USP43: variants seen among roughly 807,000 people sequenced by gnomAD.
USP43 encodes the protein ubiquitin specific peptidase 43, also known as ubiquitin carboxyl-terminal hydrolase 43.
In USP43, 33 loss-of-function variants were observed where a neutral mutation model predicts 90.7. The observed-to-expected ratio is 0.36, with a 90% CI of 0.28 to 0.49. The LOEUF is 0.49. Among genes scored for constraint, USP43 ranks in the 20% least tolerant of loss-of-function variants. USP43 has a pLI of 0.98. For synonymous variants in USP43, 598 were observed against 615.8 expected (o/e 0.97, Z 0.43); for missense variants, 1,274 against 1,476.4 (o/e 0.86, Z 2.25).
At position 9,728,529 on chromosome 17, in the gene USP43, T is replaced by C; in HGVS notation, c.2911T>C (p.Tyr971His). 6.2e-7 allele frequency: 1 copy of C among 1,613,816 alleles called. No homozygotes were observed. Among genetic ancestry groups the C allele is most frequent in the Non-Finnish European group, 8.5e-7 (1 of 1,179,876 alleles). ...MGSKSSPPSPYMGFSGNSKDS... is the reference protein window; with the variant it reads ...MGSKSSPPSPHMGFSGNSKDS... ...AAGCAAAAGCAGCCCACCCTCCCCC[T>C]ATATGGGATTCTCTGGAAACAGCAA... The change falls in exon 15 of 15, where the codon TAT (tyrosine) becomes CAT (histidine). Residue 971 changes from tyrosine to histidine, a missense_variant. Tyr to His is a moderately conservative substitution (Grantham distance 83). Around this residue, in one of 6 missense-constraint regions of USP43, gnomAD observed 353 missense variants for 329.7 expected, o/e 1.07. Transcript: ENST00000285199. The surrounding 1 kb of genome is among the most constrained non-coding windows in gnomAD (Gnocchi z 6.2).
At position 9,657,089 on chromosome 17, in the gene USP43, T is replaced by C. The variant is rs141031579; in HGVS notation, c.636+555T>C. 7.4e-3 allele frequency among the ~76,000 whole-genome samples: 1,122 copies of C among 152,352 alleles called. 11 individuals are homozygous for C. Among genetic ancestry groups the C allele is most frequent in the African/African-American group, 0.025 (1,047 of 41,588 alleles). ...CTAATTGATACATCAGGCGCAGTCT[T>C]TATGGACTTTGCTCAATGATGGCTT... On this transcript the variant is annotated intron_variant, in intron 2 of 14. Transcript: ENST00000285199.
chr17:9,686,868 A>T lies in USP43; in HGVS notation c.1312A>T (p.Ser438Cys). The T allele has an allele frequency of 6.2e-7, 1 of 1,613,854 alleles. No homozygotes were observed. The highest frequency in any genetic ancestry group is 1.1e-5 in the South Asian group (1 of 91,078). ...GGCCCAGCTCCAGCAGTCTATCCTC[A>T]GCAAGGTCCGCCATCTTATGAAGAG... ...SWAQLQQSIL[S>C]KVRHLMKSEA... The change falls in exon 8 of 15, where the codon AGC becomes TGC. Residue 438 changes from serine (S) to cysteine (C), a missense_variant. Ser to Cys is a moderately radical substitution (Grantham distance 112, BLOSUM62 -1). Coordinates refer to ENST00000285199, the MANE Select transcript of USP43 (RefSeq NM_153210.5). The surrounding 1 kb of genome is among the most constrained non-coding windows in gnomAD (Gnocchi z 5.5).
intron 14 of USP43, among the ~76,000 whole-genome samples, chr17:9,717,854 T>C (rs1224964509): frequency 6.6e-6 from 1 of 151,338 alleles, no homozygotes; most frequent in Non-Finnish European, 1.5e-5. Context: ...TGAAGTGCAA[T>C]GGGGCGATCT....
rs1171423688 is a variant in USP43, at chr17:9,701,285, C to T, written c.1662+40C>T. On this transcript the variant is annotated intron_variant, in intron 11 of 14. Transcript: ENST00000285199. This position sits in a 1 kb window ranked among gnomAD's most constrained non-coding sequence, Gnocchi z 7.2. ...GTCCATGCCCCGGCCGGGAAGGGGGCTGGCTGCCTTTGGTGGGTTGGCCAC... is the reference window on the plus strand; with the variant it reads ...GTCCATGCCCCGGCCGGGAAGGGGGTTGGCTGCCTTTGGTGGGTTGGCCAC... 1 of 1,595,424 alleles carries T rather than the reference C, an allele frequency of 6.3e-7. No individual in the cohort carries two copies. The highest frequency in any genetic ancestry group is 8.5e-7 in the Non-Finnish European group (1 of 1,170,266).
rs1917480689 is a variant in USP43 at position 9,729,538 on chromosome 17, G to C, written c.*548G>C. On this transcript the variant is annotated 3_prime_UTR_variant, in exon 15 of 15. Transcript: ENST00000285199. Reference sequence around the variant, plus strand: ...AGAGAGATGGGAGATAAATGGCTGAGAGTTCAGGTGAATATTTAATATATT... The same window carrying C: ...AGAGAGATGGGAGATAAATGGCTGACAGTTCAGGTGAATATTTAATATATT... The C allele has an allele frequency of 6.6e-6, 1 of 151,514 alleles. No individual in the cohort carries two copies. Among genetic ancestry groups the C allele is most frequent in the Non-Finnish European group, 1.5e-5 (1 of 67,952 alleles). The allele number at this position is 151,514 out of a possible 1,614,324, so 9.4% of individuals were successfully genotyped here. A position where few individuals can be genotyped will look rare whatever the true frequency, so the allele number is the denominator to read the frequency against.
At chr17:9,724,031 G>A (rs74402485) in intron 14 of USP43, among the ~76,000 whole-genome samples, 5,866 of 152,206 alleles carry the variant, frequency 0.039, 219 homozygotes, top group East Asian at 0.21. Context: ...TTCATCAGCA[G>A]CCTGCTCTGA....
At chr17:9,712,273 G>A in intron 14 of USP43, 141 bp downstream of exon 14, 1 of 1,072,288 alleles carries the variant, frequency 9.3e-7, no homozygotes, top group Non-Finnish European at 1.2e-6. Context: ...TCTTAAATGG[G>A]GTCTTCTATG....
At chr17:9,665,212 G>C (rs1162773379) in intron 2 of USP43, among the ~76,000 whole-genome samples, 1 of 152,172 alleles carries the variant, frequency 6.6e-6, no homozygotes, top group African/African-American at 2.4e-5. Context: ...CCTGAGGTGA[G>C]ATAGGCTAAA....
chr17:9,678,024 T>C (rs1913901739), intron 5 of USP43, among the ~76,000 whole-genome samples: 1 of 152,082 alleles, frequency 6.6e-6, no homozygotes, highest in Non-Finnish European at 1.5e-5. Flanking sequence ...AACTTTAAAG[T>C]GCACTATGGG....
At chr17:9,672,148 C>T (rs1913478074) in intron 3 of USP43, among the ~76,000 whole-genome samples, 1 of 152,100 alleles carries the variant, frequency 6.6e-6, no homozygotes, top group Non-Finnish European at 1.5e-5. Flanking sequence ...AGTCACCTGC[C>T]ACCACGCCCG....
At chr17:9,647,097 A>C (rs900197462) in intron 1 of USP43, 1 of 151,108 alleles carries the variant, frequency 6.6e-6, no homozygotes, top group Non-Finnish European at 1.5e-5. Flanking sequence ...AAAAGAAAAA[A>C]AAAGAAGAAG....
intron 14 of USP43, among the ~76,000 whole-genome samples, chr17:9,726,381 A>G (rs1917273720): frequency 6.6e-6 from 1 of 151,952 alleles, no homozygotes; most frequent in East Asian, 1.9e-4. Flanking sequence ...TCTCTGTTTC[A>G]TTGTTCATTC....
At chr17:9,653,282 A>G (rs897428767) in intron 1 of USP43, among the ~76,000 whole-genome samples, 2 of 152,218 alleles carry the variant, frequency 1.3e-5, no homozygotes, top group African/African-American at 4.8e-5. Flanking sequence ...TTCACATGGA[A>G]GGAAGAACAA....
intron 12 of USP43, among the ~76,000 whole-genome samples, chr17:9,702,880 G>A (rs1056894872): frequency 2.0e-5 from 3 of 152,186 alleles, no homozygotes; most frequent in Admixed American, 6.5e-5. Flanking sequence ...TACAGGCTGG[G>A]GACCACCTGA....
intron 12 of USP43, among the ~76,000 whole-genome samples, chr17:9,707,334 A>G (rs1471833534): frequency 6.6e-6 from 1 of 152,184 alleles, no homozygotes; most frequent in East Asian, 1.9e-4. Context: ...CTATTCCAGA[A>G]TAACATATTA....
At chr17:9,678,065 G>A (rs546914254) in intron 5 of USP43, among the ~76,000 whole-genome samples, 1 of 152,330 alleles carries the variant, frequency 6.6e-6, no homozygotes, top group East Asian at 1.9e-4. Flanking sequence ...GAGAGAGGGG[G>A]ACAGTGGGTG....
Position 9,729,152 on chromosome 17 carries a change from C to G in USP43, c.*162C>G. ...GTGGGGGGTCTCCATATCTAGACTT[C>G]CAACACCCAAGGTCCATATAACCCA... On this transcript the variant is annotated 3_prime_UTR_variant, in exon 15 of 15. Coordinates refer to ENST00000285199, the MANE Select transcript of USP43 (RefSeq NM_153210.5). 1 of 562,906 alleles carries G rather than the reference C, an allele frequency of 1.8e-6. No individual in the cohort carries two copies. The highest frequency in any genetic ancestry group is 2.8e-6 in the Non-Finnish European group (1 of 358,860). The allele number at this position is 562,906 out of a possible 1,614,324, so 34.9% of individuals were successfully genotyped here. A position where few individuals can be genotyped will look rare whatever the true frequency, so the allele number is the denominator to read the frequency against.
At chr17:9,670,039 CT>C (rs148536442) in intron 3 of USP43, among the ~76,000 whole-genome samples, 302 of 131,488 alleles carry the variant, frequency 2.3e-3, no homozygotes, top group Middle Eastern at 3.9e-3. Flanking sequence ...GAGGTGACTG[CT>C]TTTTTTTTTT....
At chr17:9,703,702 C>G (rs1305119401) in intron 12 of USP43, among the ~76,000 whole-genome samples, 2 of 152,220 alleles carry the variant, frequency 1.3e-5, no homozygotes, top group Non-Finnish European at 2.9e-5. Context: ...CACTTGCTGT[C>G]ATCGGTGCCA....
Sources: gnomAD v4.1 joint callset for allele counts (sites outside exome capture counted in the v4.1 genomes callset) on GRCh38, gnomAD v4.1.1 for gene constraint, gnomAD v4.1.1 regional missense constraint, Gnocchi (gnomAD v3.1) non-coding constraint, MANE v1.5 for transcripts, NCBI Gene and HGNC (gene_info 2026-07-23, HGNC 2026-07-21) for gene names.